The following TAB3 variants were observed in gnomAD, a reference collection of about 807,000 sequenced individuals.
TAB3 encodes the protein TGF-beta activated kinase 1 (MAP3K7) binding protein 3, also known as TGF-beta-activated kinase 1 and MAP3K7-binding protein 3.
Under a neutral mutation model 48.1 loss-of-function variants are expected in TAB3, and 18 were observed. The ratio of observed to expected loss-of-function variants is 0.37; its 90% confidence interval spans 0.26 to 0.55. The LOEUF (loss-of-function observed/expected upper bound fraction) is 0.55, where lower values mean the gene tolerates loss of function less well. Ranked by LOEUF, TAB3 falls within the 20% of genes least tolerant of loss-of-function variation. The probability of loss-of-function intolerance (pLI) is 0.78; values close to 1 mark genes in which losing one functional copy is unlikely to be tolerated. For missense variants in TAB3, 414 were observed against 549.8 expected, an observed-to-expected ratio of 0.75 and a Z score of 2.47; for synonymous variants, 185 against 190.2, an observed-to-expected ratio of 0.97 and a Z score of 0.22.
chrX:30,877,404 G>A (rs1601843265), intron 1 of TAB3, among the ~76,000 whole-genome samples: 2 of 112,208 alleles, frequency 1.8e-5, no homozygotes, highest in African/African-American at 6.5e-5. Flanking sequence ...AAATAAGCAC[G>A]TGAAATCTAA....
intron 5 of TAB3, among the ~76,000 whole-genome samples, chrX:30,859,169 A>G (rs1481724646): frequency 2.7e-5 from 3 of 111,532 alleles, no homozygotes; most frequent in African/African-American, 6.5e-5. Flanking sequence ...TTTGCCTCCC[A>G]TGAGACATCT....
At chrX:30,856,321 T>C (rs1306316632) in intron 5 of TAB3, among the ~76,000 whole-genome samples, 2 of 112,198 alleles carry the variant, frequency 1.8e-5, no homozygotes, top group East Asian at 2.8e-4. Flanking sequence ...CGCTGAAAGG[T>C]GTCTTGGTAT....
intron 1 of TAB3, among the ~76,000 whole-genome samples, chrX:30,883,102 G>T (rs1940038528): frequency 9.0e-6 from 1 of 111,110 alleles, no homozygotes; most frequent in South Asian, 3.8e-4. Context: ...GTTCACAGAA[G>T]AATGCTATTT....
At chrX:30,876,223 T>C (rs995219014) in intron 1 of TAB3, among the ~76,000 whole-genome samples, 5 of 111,834 alleles carry the variant, frequency 4.5e-5, no homozygotes, top group Non-Finnish European at 9.4e-5. Flanking sequence ...TGGATTCCCT[T>C]AAGCAGATGT....
Position 30,855,353 on chromosome X carries a change from A to G in TAB3, c.312T>C (p.Asp104=), listed in dbSNP as rs777033528. Residue 104 remains aspartate (D), a synonymous_variant, in exon 6 of 11, where the codon GAT becomes GAC. Transcript: ENST00000288422. ...GGRTLVHSSS[D]GHIDPQHAAG... is the part of the protein sequence containing the mutation. Reference sequence around the variant, plus strand: ...CTGCATGCTGAGGATCAATATGTCCATCACTTGAGCTATGTACCAGTGTTC... The same window carrying G: ...CTGCATGCTGAGGATCAATATGTCCGTCACTTGAGCTATGTACCAGTGTTC... 3.3e-6 allele frequency: 4 copies of G among 1,211,852 alleles called. No individual in the cohort carries two copies. In the South Asian group the frequency reaches 5.3e-5, roughly 16 times the overall value.
chrX:30,870,879 G>A (rs1031203738), intron 2 of TAB3, among the ~76,000 whole-genome samples: 2 of 111,949 alleles, frequency 1.8e-5, no homozygotes, highest in East Asian at 2.8e-4. Flanking sequence ...CCAAATCTGC[G>A]AAACCCTGAA....
chrX:30,870,238 C>G (rs924154511), intron 2 of TAB3, among the ~76,000 whole-genome samples: 1 of 112,318 alleles, frequency 8.9e-6, no homozygotes, highest in African/African-American at 3.2e-5. Flanking sequence ...CTATAGGAGG[C>G]TCCTGCCTTC....
At position 30,830,833 on chromosome X, in the gene TAB3, C is replaced by T. The variant is rs146362092; in HGVS notation, c.*594G>A. ...GACTGCTACAAATCACATTTTAAAACATTTTGTTTGTGTGCATGTATGTGT... is the reference window on the plus strand; with the variant it reads ...GACTGCTACAAATCACATTTTAAAATATTTTGTTTGTGTGCATGTATGTGT... On this transcript the variant is annotated 3_prime_UTR_variant, in exon 11 of 11. Transcript: ENST00000288422. The T allele has an allele frequency of 7.6e-5, 8 of 104,826 alleles. No homozygotes were observed. In the East Asian group the frequency reaches 2.5e-3, roughly 33 times the overall value. 8.6% of individuals were successfully genotyped at this position (104,826 alleles called of 1,213,427 possible). A position where few individuals can be genotyped will look rare whatever the true frequency, so the allele number is the denominator to read the frequency against.
intron 9 of TAB3, among the ~76,000 whole-genome samples, chrX:30,841,718 C>G (rs1271485888): frequency 9.0e-6 from 1 of 111,651 alleles, no homozygotes; most frequent in Non-Finnish European, 1.9e-5. Flanking sequence ...TTCTATGTGT[C>G]TTCATGATCA....
Position 30,828,944 on chromosome X carries a change from C to T in TAB3, c.*2483G>A, listed in dbSNP as rs552064262. The T allele has an allele frequency of 3.6e-5, 4 of 112,233 alleles. No homozygotes were observed. Among genetic ancestry groups the T allele is most frequent in the African/African-American group, 1.3e-4 (4 of 30,930 alleles). 9.2% of individuals were successfully genotyped at this position (112,233 alleles called of 1,213,427 possible). On this transcript the variant is annotated 3_prime_UTR_variant, in exon 11 of 11. Coordinates refer to ENST00000288422, the MANE Select transcript of TAB3 (RefSeq NM_152787.5). The stretch of plus-strand genomic sequence containing the variant: ...TACATATGGGACACAGTTAAACATA[C>T]CAGATTTATCAGTGTCAAGTCATTT...
At chrX:30,868,969 G>A (rs1601834766) in intron 2 of TAB3, among the ~76,000 whole-genome samples, 1 of 107,154 alleles carries the variant, frequency 9.3e-6, no homozygotes, top group Non-Finnish European at 1.9e-5. Context: ...CTTCAAGTAT[G>A]AGCAAGAAGC....
intron 8 of TAB3, chrX:30,843,439 CTT>C (rs1938517842): frequency 8.7e-6 from 1 of 114,779 alleles, no homozygotes; most frequent in Non-Finnish European, 1.8e-5. Context: ...AGAAAGAACA[CTT>C]AAATAATGAA....
chrX:30,847,104 G>A, intron 7 of TAB3, among the ~76,000 whole-genome samples: 1 of 111,366 alleles, frequency 9.0e-6, no homozygotes, highest in East Asian at 2.8e-4. Context: ...TTTAAGGTAG[G>A]TACTAATATT....
At chrX:30,870,138 G>A (rs998106467) in intron 2 of TAB3, among the ~76,000 whole-genome samples, 7 of 112,396 alleles carry the variant, frequency 6.2e-5, no homozygotes, top group African/African-American at 2.3e-4. Flanking sequence ...GGATATGACA[G>A]TTGAAATGAC....
In TAB3 at chrX:30,880,759, G is replaced by A. The variant is rs143001205; in HGVS notation, c.-383+8355C>T. Among the ~76,000 whole-genome samples, 305 of 111,624 alleles carry A rather than the reference G, an allele frequency of 2.7e-3. 1 individual carries two copies. Among genetic ancestry groups the A allele is most frequent in the African/African-American group, 9.6e-3 (296 of 30,772 alleles). The stretch of plus-strand genomic sequence containing the variant: ...AAAATAGTCATGAAAGCACAAACCT[G>A]TTACCTGGAAGATTTAGTTAAAAAT... On this transcript the variant is annotated intron_variant, in intron 1 of 10. Transcript: ENST00000288422.
At chrX:30,856,285 CTCTCACAG>C (rs1399576014) in intron 5 of TAB3, among the ~76,000 whole-genome samples, 1 of 111,963 alleles carries the variant, frequency 8.9e-6, no homozygotes, top group Admixed American at 9.5e-5. Flanking sequence ...TTCATTCATA[CTCTCACAG>C]TCTCAAAAGT....
chrX:30,837,430 C>A, intron 9 of TAB3, among the ~76,000 whole-genome samples: 1 of 111,755 alleles, frequency 8.9e-6, no homozygotes, highest in African/African-American at 3.2e-5. Context: ...GCAGCAGATC[C>A]ATCTGATTAC....
intron 8 of TAB3, chrX:30,846,075 TA>T (rs763397386): frequency 3.1e-6 from 3 of 980,729 alleles, no homozygotes; most frequent in Admixed American, 6.3e-5. Context: ...TATACTTCTG[TA>T]AAAAAATCCA....
At chrX:30,846,318 T>TAAC (rs1230527489) in intron 8 of TAB3, 8 of 344,801 alleles carry the variant, frequency 2.3e-5, no homozygotes, top group Non-Finnish European at 3.9e-5. Flanking sequence ...AAATGCAAAG[T>TAAC]AACAACATAG....
Sources: allele counts gnomAD v4.1 joint callset (sites outside exome capture counted in the v4.1 genomes callset), GRCh38; gene constraint gnomAD v4.1.1; transcripts MANE v1.5; gene names NCBI Gene and HGNC (gene_info 2026-07-23, HGNC 2026-07-21).